UMAD1: variants seen among roughly 807,000 people sequenced by gnomAD.
UMAD1 encodes UBAP1-MVB12-associated (UMA)-domain containing protein 1.
A neutral mutation model predicts 6.1 loss-of-function variants in UMAD1; 8 were observed. That is an observed-to-expected ratio of 1.30 (90% CI 0.76 to 2.35). The LOEUF (loss-of-function observed/expected upper bound fraction) is 2.35, where lower values mean the gene tolerates loss of function less well. UMAD1 is among the 30% of genes most tolerant of loss of function. The probability of loss-of-function intolerance (pLI) is 0.00; values close to 1 mark genes in which losing one functional copy is unlikely to be tolerated. For synonymous variants in UMAD1, 56 were observed against 31.4 expected (o/e 1.78, Z -2.61); for missense variants, 130 against 78.4 (o/e 1.66, Z -2.49).
intron 2 of UMAD1, among the ~76,000 whole-genome samples, chr7:7,745,737 G>C (rs920091609): frequency 1.3e-5 from 2 of 152,150 alleles, no homozygotes; most frequent in Non-Finnish European, 2.9e-5. Context: ...ATTTTACTTC[G>C]TGGTCTGTAA....
intron 2 of UMAD1, among the ~76,000 whole-genome samples, chr7:7,750,358 GAT>G (rs1297715543): frequency 1.3e-5 from 2 of 152,154 alleles, no homozygotes; most frequent in African/African-American, 4.8e-5. Context: ...ATCAGAGATA[GAT>G]ATGGTATTGA....
chr7:7,711,929 A>G (rs913874675), intron 2 of UMAD1, among the ~76,000 whole-genome samples: 7 of 152,122 alleles, frequency 4.6e-5, no homozygotes, highest in African/African-American at 1.7e-4. Flanking sequence ...AACTTTGGTT[A>G]TAGTGTGGTA....
intron 1 of UMAD1, among the ~76,000 whole-genome samples, chr7:7,651,531 C>T (rs1785223728): frequency 6.6e-6 from 1 of 152,136 alleles, no homozygotes; most frequent in Non-Finnish European, 1.5e-5. Flanking sequence ...TCCCTATGGC[C>T]ATTGCTTTGG....
rs147816772 is a variant in UMAD1, at chr7:7,767,792, C to G, written c.83-33878C>G. ...AAGAAGCTGAGCCTAAGCAACTTGCCCGAGGTTACAAAGCTAGTGAGAGGC... is the reference window on the plus strand; with the variant it reads ...AAGAAGCTGAGCCTAAGCAACTTGCGCGAGGTTACAAAGCTAGTGAGAGGC... On this transcript the variant is annotated intron_variant, in intron 2 of 3. Coordinates refer to ENST00000682710, the MANE Select transcript of UMAD1 (RefSeq NM_001302348.2). Among the ~76,000 whole-genome samples the G allele has an allele frequency of 1.0e-3, 156 of 152,258 alleles. 1 individual carries two copies. In the East Asian group the frequency reaches 0.024, roughly 23 times the overall value.
At chr7:7,818,530 G>C (rs113177317) in intron 3 of UMAD1, among the ~76,000 whole-genome samples, 45 of 152,322 alleles carry the variant, frequency 3.0e-4, no homozygotes, top group African/African-American at 1.1e-3. Context: ...TGCTGGCAAG[G>C]TTAAGGAGAA....
intron 2 of UMAD1, chr7:7,687,303 G>T (rs1780062613): frequency 6.6e-6 from 1 of 152,184 alleles, no homozygotes. Context: ...TGCAGGAGAT[G>T]AAGCAAAAGG....
intron 3 of UMAD1, among the ~76,000 whole-genome samples, chr7:7,814,047 G>A (rs1241849116): frequency 6.6e-6 from 1 of 151,808 alleles, no homozygotes; most frequent in Non-Finnish European, 1.5e-5. Flanking sequence ...ACAGTGGCGT[G>A]ATCTCGGCTC....
At chr7:7,851,252 T>C (rs1783910070) in intron 3 of UMAD1, among the ~76,000 whole-genome samples, 1 of 152,218 alleles carries the variant, frequency 6.6e-6, no homozygotes, top group Non-Finnish European at 1.5e-5. Flanking sequence ...TTCCTTTTAT[T>C]GTTGTATAAT....
intron 1 of UMAD1, among the ~76,000 whole-genome samples, chr7:7,642,585 C>T (rs1182855046): frequency 7.2e-5 from 11 of 151,990 alleles, no homozygotes; most frequent in African/African-American, 2.2e-4. Context: ...GGGAGATGAG[C>T]AGGAAGATAA....
chr7:7,776,966 C>T (rs954764879), intron 2 of UMAD1, among the ~76,000 whole-genome samples: 6 of 152,174 alleles, frequency 3.9e-5, no homozygotes, highest in South Asian at 2.1e-4. Context: ...TATGTCTACA[C>T]GAGCAAATGC....
At chr7:7,718,050 G>A (rs1004198085) in intron 2 of UMAD1, among the ~76,000 whole-genome samples, 2 of 152,148 alleles carry the variant, frequency 1.3e-5, no homozygotes, top group African/African-American at 4.8e-5. Flanking sequence ...TTTTAGCAGT[G>A]TGTTGAATAA....
At chr7:7,724,637 G>T (rs1781108143) in intron 2 of UMAD1, among the ~76,000 whole-genome samples, 1 of 152,240 alleles carries the variant, frequency 6.6e-6, no homozygotes, top group Admixed American at 6.5e-5. Flanking sequence ...GGCCTATGCA[G>T]AAGGCAGATG....
At chr7:7,677,632 C>G (rs1172634107) in intron 2 of UMAD1, among the ~76,000 whole-genome samples, 2 of 150,866 alleles carry the variant, frequency 1.3e-5, no homozygotes, top group Non-Finnish European at 1.5e-5. Context: ...GTATATGTAC[C>G]ACATTTTCTT....
intron 2 of UMAD1, among the ~76,000 whole-genome samples, chr7:7,777,901 C>G (rs1441069223): frequency 6.6e-6 from 1 of 152,130 alleles, no homozygotes; most frequent in Non-Finnish European, 1.5e-5. Flanking sequence ...ATATCTAACT[C>G]TAACCCTGAT....
At chr7:7,874,509 T>C (rs984873691) in intron 3 of UMAD1, among the ~76,000 whole-genome samples, 1 of 152,160 alleles carries the variant, frequency 6.6e-6, no homozygotes, top group Admixed American at 6.5e-5. Flanking sequence ...TACTGTATGA[T>C]TGCATTCATT....
intron 1 of UMAD1, among the ~76,000 whole-genome samples, chr7:7,653,692 T>A (rs529792441): frequency 6.6e-6 from 1 of 152,334 alleles, no homozygotes; most frequent in East Asian, 1.9e-4. Flanking sequence ...TAGGGGAATG[T>A]CTTTACCTAG....
chr7:7,717,055 T>TC (rs1780929177), intron 2 of UMAD1, among the ~76,000 whole-genome samples: 2 of 149,178 alleles, frequency 1.3e-5, no homozygotes, highest in Admixed American at 6.6e-5. Flanking sequence ...TTTCTTTCTT[T>TC]TTTTCTTTTT....
intron 3 of UMAD1, among the ~76,000 whole-genome samples, chr7:7,842,546 C>T (rs1448981140): frequency 6.6e-6 from 1 of 151,570 alleles, no homozygotes; most frequent in African/African-American, 2.4e-5. Context: ...ACTGTATTTT[C>T]TGATAACCTG....
rs143015914 is a variant in UMAD1, at chr7:7,828,453, G to A, written c.156+26710G>A. ...TGTTGGGTTCAGTCCAAACACTTAA[G>A]CCAAGTCACTGAATCAAAATTGGGG... On this transcript the variant is annotated intron_variant, in intron 3 of 3. Transcript: ENST00000682710. Among the ~76,000 whole-genome samples, 41 of 152,258 alleles carry A rather than the reference G, an allele frequency of 2.7e-4. 1 individual carries two copies. The East Asian group carries it at 5.6e-3, about 21-fold the overall frequency.
Sources: gnomAD v4.1 joint callset for allele counts (sites outside exome capture counted in the v4.1 genomes callset) on GRCh38, gnomAD v4.1.1 for gene constraint, MANE v1.5 for transcripts, NCBI Gene and HGNC (gene_info 2026-07-23, HGNC 2026-07-21) for gene names.